The following MED13L variants were observed in gnomAD, a reference collection of about 807,000 sequenced individuals.
MED13L encodes mediator of RNA polymerase II transcription subunit 13-like.
In MED13L, 7 loss-of-function variants were observed where a neutral mutation model predicts 220.9. The ratio of observed to expected loss-of-function variants is 0.03; its 90% CI spans 0.02 to 0.06. MED13L has a LOEUF of 0.06. Ranked by LOEUF, MED13L falls within the 10% of genes least tolerant of loss-of-function variation. MED13L has a pLI of 1.00. For missense variants in MED13L, 1,965 were observed against 2,760.5 expected (o/e 0.71, Z 6.46); for synonymous variants, 1,011 against 1,015.2 (o/e 1.00, Z 0.08).
intron 1 of MED13L, among the ~76,000 whole-genome samples, chr12:116,271,253 T>C (rs1359840811): frequency 6.6e-6 from 1 of 151,860 alleles, no homozygotes; most frequent in African/African-American, 2.4e-5. Context: ...TACAGACTTT[T>C]AGGCTACCCA....
intron 4 of MED13L, among the ~76,000 whole-genome samples, chr12:116,064,690 C>A (rs894192730): frequency 1.3e-5 from 2 of 152,198 alleles, no homozygotes; most frequent in East Asian, 3.9e-4. Flanking sequence ...CTTAAACACA[C>A]AACAAAGCAA....
chr12:116,234,530 A>T (rs894099260), intron 2 of MED13L, among the ~76,000 whole-genome samples: 1 of 151,280 alleles, frequency 6.6e-6, no homozygotes, highest in African/African-American at 2.4e-5. Flanking sequence ...GTGACCAGCC[A>T]GGAAATGCCA....
At chr12:116,211,363 T>C (rs1266759301) in intron 2 of MED13L, among the ~76,000 whole-genome samples, 1 of 152,122 alleles carries the variant, frequency 6.6e-6, no homozygotes, top group African/African-American at 2.4e-5. Context: ...CCATACTGAA[T>C]ACTGCAACTT....
chr12:116,051,638 A>T (rs1947011726), intron 4 of MED13L, among the ~76,000 whole-genome samples: 1 of 152,256 alleles, frequency 6.6e-6, no homozygotes, highest in Non-Finnish European at 1.5e-5. Context: ...ATGAGACCCA[A>T]GTCTGAATAT....
intron 4 of MED13L, among the ~76,000 whole-genome samples, chr12:116,044,308 G>A (rs12303073): frequency 0.24 from 37,110 of 152,128 alleles, 4,640 homozygotes; most frequent in Middle Eastern, 0.32. Context: ...TCAGCACTGA[G>A]AAAAGTGAAG....
intron 3 of MED13L, among the ~76,000 whole-genome samples, chr12:116,099,401 C>T (rs1464610238): frequency 2.6e-5 from 4 of 152,128 alleles, no homozygotes; most frequent in Non-Finnish European, 5.9e-5. Context: ...AAAAGCAATA[C>T]GGCACGTAAC....
Position 115,983,446 on chromosome 12 carries a change from T to C in MED13L, c.4626A>G (p.Pro1542=), listed in dbSNP as rs776947641. 2.4e-5 allele frequency: 38 copies of C among 1,614,198 alleles called. No homozygotes were observed. In the South Asian group the frequency reaches 3.6e-4, roughly 15 times the overall value. ...PPAAAQGQAT[P]GNAGPLAPNG... ...TTGGAGCTAAGGGCCCAGCATTCCC[T>C]GGCGTAGCTTGTCCCTGTGCTGCTG... Residue 1542 remains proline (P), a synonymous_variant, in exon 21 of 31, where the codon CCA becomes CCG. Transcript: ENST00000281928.
rs983224809 is a variant in MED13L, at chr12:116,013,546, T to TA, written c.1176-646dup. On this transcript the variant is annotated intron_variant, in intron 8 of 30. Coordinates refer to ENST00000281928, the MANE Select transcript of MED13L (RefSeq NM_015335.5). Reference sequence around the variant, plus strand: ...ATGTATATGCAAATATTCCAAAATCTAAAAAAAAATCTGAAATCCCAAACA... The same window carrying TA: ...ATGTATATGCAAATATTCCAAAATCTAAAAAAAAAATCTGAAATCCCAAACA... Among the ~76,000 whole-genome samples the TA allele has an allele frequency of 6.0e-4, 91 of 151,482 alleles. 1 individual carries two copies. The highest frequency in any genetic ancestry group is 4.2e-4 in the South Asian group (2 of 4,784).
intron 2 of MED13L, among the ~76,000 whole-genome samples, chr12:116,181,741 G>A (rs1181937079): frequency 1.3e-5 from 2 of 152,128 alleles, no homozygotes; most frequent in Non-Finnish European, 1.5e-5. Flanking sequence ...CTGACCTTAG[G>A]TGATCTGCCC....
At chr12:116,209,488 A>G (rs1426138170) in intron 2 of MED13L, among the ~76,000 whole-genome samples, 2 of 152,124 alleles carry the variant, frequency 1.3e-5, no homozygotes, top group Non-Finnish European at 2.9e-5. Context: ...CACATTCTCA[A>G]TCTCTGGCCC....
At chr12:116,140,088 C>T (rs577728440) in intron 2 of MED13L, among the ~76,000 whole-genome samples, 1 of 151,764 alleles carries the variant, frequency 6.6e-6, no homozygotes, top group Admixed American at 6.6e-5. Flanking sequence ...TTTTATAACT[C>T]ACCTAGGAAC....
At chr12:116,009,630 A>G (rs1879271771) in intron 9 of MED13L, among the ~76,000 whole-genome samples, 1 of 152,242 alleles carries the variant, frequency 6.6e-6, no homozygotes, top group African/African-American at 2.4e-5. Context: ...GAACTAAAAC[A>G]GTAAGTTTCA....
intron 4 of MED13L, among the ~76,000 whole-genome samples, chr12:116,071,440 GT>G (rs1593009833): frequency 6.6e-6 from 1 of 151,880 alleles, no homozygotes; most frequent in East Asian, 1.9e-4. Flanking sequence ...GTTTTGTTTT[GT>G]TTGAGACAGA....
At chr12:116,022,687 T>G in intron 4 of MED13L, 86 bp from the exon 5 acceptor site, 283 of 1,387,022 alleles carry the variant, frequency 2.0e-4, no homozygotes, top group Non-Finnish European at 2.5e-4. Context: ...GATACAGCTC[T>G]ACTTTATCAA....
rs1876400858 is a variant in MED13L, at chr12:115,969,169, A to G, written c.6068-72T>C. ...CACATATCAATATCATAATAATCCA[A>G]CCTAACCTATGTCATGTTTTGTTGG... On this transcript the variant is annotated intron_variant, in intron 27 of 30. Coordinates refer to ENST00000281928, the MANE Select transcript of MED13L (RefSeq NM_015335.5). The G allele has an allele frequency of 1.2e-5, 18 of 1,508,956 alleles. No homozygotes were observed. In the South Asian group the frequency reaches 2.0e-4, roughly 17 times the overall value. The allele number at this position is 1,508,956 out of a possible 1,614,324, so 93.5% of individuals were successfully genotyped here.
intron 2 of MED13L, among the ~76,000 whole-genome samples, chr12:116,111,736 T>A (rs557534475): frequency 6.6e-6 from 1 of 152,162 alleles, no homozygotes; most frequent in Non-Finnish European, 1.5e-5. Flanking sequence ...GTCTGAAATA[T>A]GAGGCATGGT....
At chr12:115,996,746 T>A in intron 15 of MED13L, 65 bp from the exon 16 acceptor site, 1 of 1,408,480 alleles carries the variant, frequency 7.1e-7, no homozygotes, top group South Asian at 1.2e-5. Flanking sequence ...CACAGTGGCA[T>A]AGTGCTATCA....
intron 13 of MED13L, among the ~76,000 whole-genome samples, chr12:116,004,544 T>C (rs1878932317): frequency 6.6e-6 from 1 of 152,084 alleles, no homozygotes; most frequent in African/African-American, 2.4e-5. Flanking sequence ...GAACACATAT[T>C]AGTACAGTTT....
intron 4 of MED13L, among the ~76,000 whole-genome samples, chr12:116,095,055 G>C (rs1164998710): frequency 6.6e-6 from 1 of 152,076 alleles, no homozygotes; most frequent in African/African-American, 2.4e-5. Context: ...CCAGCTACTT[G>C]GGAGGCTGAA....
Sources: allele counts gnomAD v4.1 joint callset (sites outside exome capture counted in the v4.1 genomes callset), GRCh38; gene constraint gnomAD v4.1.1; transcripts MANE v1.5; gene names NCBI Gene and HGNC (gene_info 2026-07-23, HGNC 2026-07-21).